The following DAB2IP variants were observed in gnomAD, a reference collection of about 807,000 sequenced individuals.
DAB2IP encodes the protein disabled homolog 2-interacting protein.
In DAB2IP, 28 loss-of-function variants were observed where a neutral mutation model predicts 107.2. That is an observed-to-expected ratio of 0.26 (90% CI 0.19 to 0.36). DAB2IP has a LOEUF of 0.36. Ranked by LOEUF, DAB2IP falls within the 10% of genes least tolerant of loss-of-function variation. The pLI is 1.00. For synonymous variants in DAB2IP, 755 were observed against 706.4 expected (o/e 1.07, Z -1.09); for missense variants, 1,400 against 1,644.7 (o/e 0.85, Z 2.57).
chr9:121,609,730 C>T (rs1831023355), intron 1 of DAB2IP, among the ~76,000 whole-genome samples: 1 of 152,260 alleles, frequency 6.6e-6, no homozygotes, highest in South Asian at 2.1e-4. Context: ...TTGCCTAAAA[C>T]TTCATGACAA....
Position 121,699,366 on chromosome 9 carries a change from C to T in DAB2IP, c.270C>T (p.Thr90=). The change falls in exon 3 of 16, where the codon ACC becomes ACT. Residue 90 remains threonine (T), a synonymous_variant. Coordinates refer to ENST00000408936, the Ensembl canonical transcript of DAB2IP. The surrounding 1 kb of genome is among the most constrained non-coding windows in gnomAD (Gnocchi z 6.2). ...GCCTCAAGGGCTCCATCAAGCGCAC[C>T]AAGAGCCAGCCCAAGCTGGACCGCA... The T allele has an allele frequency of 1.3e-6, 2 of 1,485,868 alleles. No individual in the cohort carries two copies. The highest frequency in any genetic ancestry group is 1.8e-6 in the Non-Finnish European group (2 of 1,109,192). 92.0% of individuals were successfully genotyped at this position (1,485,868 alleles called of 1,614,324 possible).
intron 1 of DAB2IP, among the ~76,000 whole-genome samples, chr9:121,646,387 C>A (rs1832536974): frequency 6.6e-6 from 1 of 152,092 alleles, no homozygotes; most frequent in Non-Finnish European, 1.5e-5. Context: ...CCTGGTCCAG[C>A]CTTATTCCCG....
intron 1 of DAB2IP, among the ~76,000 whole-genome samples, chr9:121,601,846 G>C (rs907590286): frequency 3.3e-5 from 5 of 152,084 alleles, no homozygotes; most frequent in Non-Finnish European, 7.3e-5. Context: ...TGTCTTTAGA[G>C]CACATGCTTC....
chr9:121,679,296 A>G (rs953960723), intron 2 of DAB2IP, among the ~76,000 whole-genome samples: 47 of 152,228 alleles, frequency 3.1e-4, no homozygotes, highest in Middle Eastern at 3.4e-3. Context: ...TATTGAACTG[A>G]GTGGTCCCCA....
At chr9:121,773,046 C>T (rs1327854696) in exon 12 of DAB2IP, 3 of 1,612,440 alleles carry the variant, frequency 1.9e-6, no homozygotes, top group South Asian at 1.1e-5. Flanking sequence ...GGCTGGCCTG[C>T]CGCTGTCACC....
At chr9:121,733,878 T>C (rs1332345132) in intron 3 of DAB2IP, among the ~76,000 whole-genome samples, 2 of 152,210 alleles carry the variant, frequency 1.3e-5, no homozygotes, top group Non-Finnish European at 2.9e-5. Flanking sequence ...GACTGTTCCC[T>C]GTGATAAGCT....
At position 121,717,938 on chromosome 9, in the gene DAB2IP, ACAGT is replaced by A. The variant is rs142525804; in HGVS notation, c.362+18482_362+18485del. ...AGGTCCCTGTTTGGGCCGCGTTATG[ACAGT>A]CTTGTTTCCGGCATGTCAGGTGTGA... On this transcript the variant is annotated intron_variant, in intron 3 of 15. Coordinates refer to ENST00000408936, the Ensembl canonical transcript of DAB2IP. Among the ~76,000 whole-genome samples the A allele has an allele frequency of 3.0e-3, 451 of 152,096 alleles. 1 individual carries two copies. The highest frequency in any genetic ancestry group is 2.6e-3 in the Non-Finnish European group (180 of 67,960).
At chr9:121,727,795 A>G (rs1831313973) in intron 3 of DAB2IP, among the ~76,000 whole-genome samples, 1 of 152,202 alleles carries the variant, frequency 6.6e-6, no homozygotes, top group Non-Finnish European at 1.5e-5. Context: ...TCTCTTGGGC[A>G]GGCATCCAGC....
In DAB2IP at chr9:121,776,260, C is replaced by T; in HGVS notation, c.3183C>T (p.Thr1061=). ...CCAAGAAGCTGGAGGAGTATGAGAC[C>T]CTGTTCAAGTGCCAGGAGGAGACGA... Residue 1061 remains threonine (T), a synonymous_variant, in exon 14 of 16, where the codon ACC becomes ACT. Coordinates refer to ENST00000408936, the Ensembl canonical transcript of DAB2IP. This position sits in a 1 kb window ranked among gnomAD's most constrained non-coding sequence, Gnocchi z 5.4. 2 of 1,586,052 alleles carry T rather than the reference C, an allele frequency of 1.3e-6. No individual in the cohort carries two copies. The highest frequency in any genetic ancestry group is 1.7e-6 in the Non-Finnish European group (2 of 1,166,502).
At chr9:121,770,568 C>G (rs1834646607) in exon 11 of DAB2IP, 1 of 1,613,940 alleles carries the variant, frequency 6.2e-7, no homozygotes. Context: ...AAACTGGGAC[C>G]CCTGCCTCGG....
chr9:121,774,135 C>A, intron 12 of DAB2IP, 125 bp from the exon 13 acceptor site: 1 of 1,121,274 alleles, frequency 8.9e-7, no homozygotes, highest in Non-Finnish European at 1.2e-6. Flanking sequence ...GCTCAGTCAG[C>A]TGGAGGTCCC....
At chr9:121,585,437 G>C (rs148693166) in intron 1 of DAB2IP, among the ~76,000 whole-genome samples, 1 of 152,300 alleles carries the variant, frequency 6.6e-6, no homozygotes, top group Admixed American at 6.5e-5. Flanking sequence ...AGGATGTAAT[G>C]AGTTGATACG....
At chr9:121,586,973 A>T (rs547098788) in intron 1 of DAB2IP, among the ~76,000 whole-genome samples, 1 of 152,158 alleles carries the variant, frequency 6.6e-6, no homozygotes, top group East Asian at 1.9e-4. Flanking sequence ...AGCAAACATG[A>T]CTCTGTGCCC....
intron 1 of DAB2IP, among the ~76,000 whole-genome samples, chr9:121,627,261 TAC>T (rs1220089756): frequency 6.6e-6 from 1 of 152,094 alleles, no homozygotes; most frequent in Non-Finnish European, 1.5e-5. Flanking sequence ...GGTGTCGGTA[TAC>T]ACATTTCCAC....
At chr9:121,779,527 G>C (rs1246702217) in intron 14 of DAB2IP, among the ~76,000 whole-genome samples, 1 of 152,198 alleles carries the variant, frequency 6.6e-6, no homozygotes, top group Non-Finnish European at 1.5e-5. Flanking sequence ...GAGACAGTGA[G>C]GTTACTTGGA....
At chr9:121,779,043 G>A (rs1037707645) in intron 14 of DAB2IP, among the ~76,000 whole-genome samples, 13 of 151,930 alleles carry the variant, frequency 8.6e-5, no homozygotes, top group East Asian at 3.9e-4. Context: ...ATTTTGTCCC[G>A]TATCTCACTG....
chr9:121,759,599 G>A (rs1452219921), intron 5 of DAB2IP, among the ~76,000 whole-genome samples: 2 of 152,176 alleles, frequency 1.3e-5, no homozygotes, highest in African/African-American at 4.8e-5. Context: ...TCTCAGTCTC[G>A]CCCTCTATGA....
chr9:121,585,639 T>C (rs1331730284), intron 1 of DAB2IP, among the ~76,000 whole-genome samples: 1 of 152,108 alleles, frequency 6.6e-6, no homozygotes, highest in Admixed American at 6.6e-5. Context: ...GACAGATCGC[T>C]TTGAGCTCAG....
At chr9:121,676,023 TTAA>T (rs1205485021) in intron 1 of DAB2IP, among the ~76,000 whole-genome samples, 2 of 152,234 alleles carry the variant, frequency 1.3e-5, no homozygotes, top group African/African-American at 4.8e-5. Context: ...AGCAAGGGCC[TTAA>T]GAGACGGCGC....
Sources: gnomAD v4.1 joint callset for allele counts (sites outside exome capture counted in the v4.1 genomes callset) on GRCh38, gnomAD v4.1.1 for gene constraint, Gnocchi (gnomAD v3.1) non-coding constraint, MANE v1.5 for transcripts, NCBI Gene and HGNC (gene_info 2026-07-23, HGNC 2026-07-21) for gene names.